The following AKAP13 variants were observed in gnomAD, a reference collection of about 807,000 sequenced individuals.
AKAP13 encodes the protein A-kinase anchor protein 13.
A neutral mutation model predicts 264.5 loss-of-function variants in AKAP13; 80 were observed. That is an observed-to-expected ratio of 0.30 (90% CI 0.25 to 0.36). AKAP13 has a LOEUF of 0.36. Ranked by LOEUF, AKAP13 falls within the 10% of genes least tolerant of loss-of-function variation. The pLI, the probability that AKAP13 is intolerant of heterozygous loss-of-function variation, is 1.00. For synonymous variants in AKAP13, 1,380 were observed against 1,250.2 expected (o/e 1.10, Z -2.19); for missense variants, 3,712 against 3,435.2 (o/e 1.08, Z -2.01).
At chr15:85,527,335 G>A (rs767420178) in intron 3 of AKAP13, among the ~76,000 whole-genome samples, 1 of 152,094 alleles carries the variant, frequency 6.6e-6, no homozygotes, top group African/African-American at 2.4e-5. Context: ...GAATCCTAGG[G>A]CATACAATAT....
rs534960111 is a variant in AKAP13, at chr15:85,467,460, T to G, written c.-11-18250T>G. On this transcript the variant is annotated intron_variant, in intron 1 of 36. Transcript: ENST00000394518. Reference sequence around the variant, plus strand: ...GAGCCATGAGTTATTTGTGTCTCTGTGAACATACACACAGTTTTATCCATC... The same window carrying G: ...GAGCCATGAGTTATTTGTGTCTCTGGGAACATACACACAGTTTTATCCATC... Among the ~76,000 whole-genome samples, 5 of 152,266 alleles carry G rather than the reference T, an allele frequency of 3.3e-5. No homozygotes were observed. In the South Asian group the frequency reaches 8.3e-4, roughly 25 times the overall value.
In AKAP13 at chr15:85,717,401, G is replaced by A; in HGVS notation, c.5847G>A (p.Glu1949=). ...AGTCAACAGAATCACTTACTGATGA[G>A]GGTAAGAGGAAGTTATGGCCTTTAT... ...VNESTESLTD[E]GVGTDMNEGQ... The change falls in exon 21 of 37, where the codon GAG becomes GAA. Residue 1949 remains glutamate, a splice_region_variant and synonymous_variant. Coordinates refer to ENST00000394518, the MANE Select transcript of AKAP13 (RefSeq NM_007200.5). 2 of 1,604,228 alleles carry A rather than the reference G, an allele frequency of 1.2e-6. No homozygotes were observed. The highest frequency in any genetic ancestry group is 1.7e-6 in the Non-Finnish European group (2 of 1,172,036).
rs113842255 is a variant in AKAP13, at chr15:85,494,148, G to T, written c.33+8395G>T. 2.9e-3 allele frequency among the ~76,000 whole-genome samples: 436 copies of T among 151,462 alleles called. 4 individuals are homozygous for T. Among genetic ancestry groups the T allele is most frequent in the African/African-American group, 5.4e-3 (222 of 41,404 alleles). On this transcript the variant is annotated intron_variant, in intron 2 of 36. Coordinates refer to ENST00000394518, the MANE Select transcript of AKAP13 (RefSeq NM_007200.5). ...ATTCCTCTGGAACAGATAAATTATGGAGATTCAATACCACCTTAACTAAGG... is the reference window on the plus strand; with the variant it reads ...ATTCCTCTGGAACAGATAAATTATGTAGATTCAATACCACCTTAACTAAGG...
At chr15:85,691,910 C>T (rs781140017) in intron 16 of AKAP13, 52 of 476,692 alleles carry the variant, frequency 1.1e-4, no homozygotes, top group Non-Finnish European at 2.1e-4. Context: ...CCTAGGGACA[C>T]TGCCTGCTTT....
chr15:85,602,160 G>A (rs7162212), intron 8 of AKAP13, among the ~76,000 whole-genome samples: 93,380 of 151,380 alleles, frequency 0.62, 28,924 homozygotes, highest in Middle Eastern at 0.72. Context: ...AGCTACTTTC[G>A]GTATGCAATC....
chr15:85,447,263 C>G (rs1244793289), intron 1 of AKAP13, among the ~76,000 whole-genome samples: 1 of 151,184 alleles, frequency 6.6e-6, no homozygotes, highest in Non-Finnish European at 1.5e-5. Context: ...GAGATTCCAT[C>G]TCAAAATAAA....
chr15:85,563,329 G>GTTTTTTTTTTTT (rs1184437606), intron 5 of AKAP13, among the ~76,000 whole-genome samples: 18 of 54,184 alleles, frequency 3.3e-4, no homozygotes, highest in African/African-American at 8.9e-4. Context: ...GAATGTGCTT[G>GTTTTTTTTTTTT]TTTTTTTTTT....
rs755621625 is a variant in AKAP13, at chr15:85,655,727, G to A, written c.4685G>A (p.Arg1562Gln). 3.7e-6 allele frequency: 6 copies of A among 1,613,818 alleles called. No homozygotes were observed. The highest frequency in any genetic ancestry group is 1.1e-5 in the South Asian group (1 of 91,076). The change falls in exon 11 of 37, where the codon CGG (arginine) becomes CAG (glutamine). Residue 1562 changes from arginine (R) to glutamine (Q), a missense_variant. By Grantham distance (43) the Arg-to-Gln change is conservative. Transcript: ENST00000394518. ...RSSMRSLSPF[R>Q]RHSWGPGKNA... ...TCCATGCGCTCTCTTTCTCCCTTCC[G>A]GAGGCACAGCTGGGGGCCTGGGAAA...
At chr15:85,546,343 C>T (rs982261109) in intron 5 of AKAP13, among the ~76,000 whole-genome samples, 1 of 151,798 alleles carries the variant, frequency 6.6e-6, no homozygotes, top group Non-Finnish European at 1.5e-5. Context: ...CACACACACA[C>T]ACACACACAC....
At chr15:85,554,197 C>G (rs1372843461) in intron 5 of AKAP13, among the ~76,000 whole-genome samples, 2 of 152,004 alleles carry the variant, frequency 1.3e-5, no homozygotes, top group Non-Finnish European at 2.9e-5. Flanking sequence ...TTGGTGTGTC[C>G]CTATTGTTTA....
chr15:85,735,446 G>C, intron 31 of AKAP13, 114 bp from the exon 32 acceptor site: 1 of 1,092,928 alleles, frequency 9.1e-7, no homozygotes, highest in Non-Finnish European at 1.3e-6. Flanking sequence ...CCCTTTTTGG[G>C]GGCATCAGTA....
At chr15:85,649,085 G>A (rs2082686781) in intron 10 of AKAP13, among the ~76,000 whole-genome samples, 1 of 152,170 alleles carries the variant, frequency 6.6e-6, no homozygotes. Context: ...AAAGGAGAGA[G>A]ACTAATATTG....
intron 1 of AKAP13, among the ~76,000 whole-genome samples, chr15:85,471,494 C>T (rs754527256): frequency 5.9e-5 from 9 of 151,658 alleles, no homozygotes; most frequent in Non-Finnish European, 8.8e-5. Context: ...GACTCCGTCT[C>T]AAAAAACAAA....
At chr15:85,399,502 C>CA (rs71138392) in intron 1 of AKAP13, among the ~76,000 whole-genome samples, 85 of 77,058 alleles carry the variant, frequency 1.1e-3, no homozygotes, top group East Asian at 1.9e-3. Context: ...GACTCCGTCT[C>CA]AAAAAAAAAA....
At position 85,748,273 on chromosome 15, in the gene AKAP13, A is replaced by G. The variant is rs2089426786; in HGVS notation, c.*3596A>G. 2 of 152,250 alleles carry G rather than the reference A, an allele frequency of 1.3e-5. No individual in the cohort carries two copies. The highest frequency in any genetic ancestry group is 4.1e-4 in the South Asian group (2 of 4,828). 9.4% of individuals were successfully genotyped at this position (152,250 alleles called of 1,614,324 possible). A position where few individuals can be genotyped will look rare whatever the true frequency, so the allele number is the denominator to read the frequency against. Reference sequence around the variant, plus strand: ...CCTGGTGAATGGGCTTCAAGTGGTCACAAAGAGGGTGGCTGTGAGGTGACC... The same window carrying G: ...CCTGGTGAATGGGCTTCAAGTGGTCGCAAAGAGGGTGGCTGTGAGGTGACC... On this transcript the variant is annotated 3_prime_UTR_variant, in exon 37 of 37. Coordinates refer to ENST00000394518, the MANE Select transcript of AKAP13 (RefSeq NM_007200.5).
chr15:85,580,895 T>C lies in AKAP13; in HGVS notation c.2827T>C (p.Ser943Pro). ...TCSSIKENALSSGTLQEEQRT... is the reference protein window; with the variant it reads ...TCSSIKENALPSGTLQEEQRT... ...TTCCTCTATTAAGGAAAATGCTCTC[T>C]CTTCAGGAACTTTGCAGGAAGAGCA... Residue 943 changes from serine (S) to proline (P), a missense_variant, in exon 7 of 37, where the codon TCT (serine) becomes CCT (proline). By Grantham distance (74) the Ser-to-Pro change is moderately conservative. Transcript: ENST00000394518. 1 of 1,614,176 alleles carries C rather than the reference T, an allele frequency of 6.2e-7. No individual in the cohort carries two copies. The highest frequency in any genetic ancestry group is 8.5e-7 in the Non-Finnish European group (1 of 1,180,028).
At chr15:85,641,005 G>T (rs1253519072) in intron 9 of AKAP13, among the ~76,000 whole-genome samples, 2 of 152,144 alleles carry the variant, frequency 1.3e-5, no homozygotes, top group African/African-American at 4.8e-5. Context: ...CAGAATTGCA[G>T]ATCAGAATTA....
chr15:85,475,182 C>T (rs991117729), intron 1 of AKAP13, among the ~76,000 whole-genome samples: 1 of 152,180 alleles, frequency 6.6e-6, no homozygotes, highest in Non-Finnish European at 1.5e-5. Flanking sequence ...ATTTTAACCC[C>T]TCCTGAAGTT....
Position 85,521,466 on chromosome 15 carries a change from C to G in AKAP13, c.72C>G (p.Asp24Glu), listed in dbSNP as rs1490202306. ...TTACAGTGCTGCTTGCTGAAGAGGA[C>G]AAAGCTGAAGATGATGTAGTGTTTT... ...CVVTVLLAEEDKAEDDVVFYL... is the reference protein window; with the variant it reads ...CVVTVLLAEEEKAEDDVVFYL... Residue 24 changes from aspartate (D) to glutamate (E), a missense_variant, in exon 3 of 37, where the codon GAC becomes GAG. Asp to Glu is a conservative substitution (Grantham distance 45). Around this residue, in one of 3 missense-constraint regions of AKAP13, gnomAD observed 2,759 missense variants for 2,411.7 expected, o/e 1.14. Transcript: ENST00000394518. 6.2e-7 allele frequency: 1 copy of G among 1,614,116 alleles called. No individual in the cohort carries two copies. Among genetic ancestry groups the G allele is most frequent in the South Asian group, 1.1e-5 (1 of 91,080 alleles).
Sources: allele counts gnomAD v4.1 joint callset (sites outside exome capture counted in the v4.1 genomes callset), GRCh38; gene constraint gnomAD v4.1.1; regional missense constraint gnomAD v4.1.1; transcripts MANE v1.5; gene names NCBI Gene and HGNC (gene_info 2026-07-23, HGNC 2026-07-21).